Variants in SHROOM4 observed in about 807,000 individuals in gnomAD.
SHROOM4 encodes the protein shroom family member 4.
SHROOM4 carries 17 observed loss-of-function variants against 80.3 expected under a neutral mutation model. That is an observed-to-expected ratio of 0.21 (90% CI 0.14 to 0.32). The LOEUF (loss-of-function observed/expected upper bound fraction) is 0.32, where lower values mean the gene tolerates loss of function less well. Ranked by LOEUF, SHROOM4 falls within the 10% of genes least tolerant of loss-of-function variation. The pLI is 1.00. For synonymous variants in SHROOM4, 400 were observed against 437.5 expected, an observed-to-expected ratio of 0.91 and a Z score of 1.07; for missense variants, 993 against 1,140.3, an observed-to-expected ratio of 0.87 and a Z score of 1.86.
chrX:50,627,563 C>T, intron 5 of SHROOM4, 51 bp downstream of exon 5: 1 of 1,088,462 alleles, frequency 9.2e-7, no homozygotes, highest in African/African-American at 1.8e-5. Flanking sequence ...GCAATTTCTA[C>T]AGAAGCTCCA....
chrX:50,790,565 G>C (rs1557271439), intron 1 of SHROOM4, among the ~76,000 whole-genome samples: 1 of 111,217 alleles, frequency 9.0e-6, no homozygotes, highest in African/African-American at 3.3e-5. Flanking sequence ...CCAGAAAACT[G>C]AATTCAATGG....
chrX:50,621,349 G>A lies in SHROOM4; in HGVS notation c.2957+6265C>T, dbSNP rs1005791116. 4.5e-5 allele frequency among the ~76,000 whole-genome samples: 5 copies of A among 110,796 alleles called. No homozygotes were observed. In the South Asian group the frequency reaches 1.1e-3, roughly 25 times the overall value. On this transcript the variant is annotated intron_variant, in intron 5 of 8. Transcript: ENST00000376020. ...TTTGATAATTGTTGTTTTATGATAC[G>A]CTTTAAAATCTGATAGGGTAAGTCT...
At chrX:50,638,145 C>T (rs1557256474) in intron 3 of SHROOM4, 29 bp downstream of exon 3, 1 of 1,197,427 alleles carries the variant, frequency 8.4e-7, no homozygotes, top group Non-Finnish European at 1.1e-6. Flanking sequence ...ACCCTCCAGC[C>T]TGTCTTGAGG....
intron 1 of SHROOM4, among the ~76,000 whole-genome samples, chrX:50,723,584 C>T (rs781887153): frequency 9.0e-6 from 1 of 111,292 alleles, no homozygotes; most frequent in East Asian, 2.9e-4. Context: ...AGAGTCCACA[C>T]CTTGAGGGTA....
chrX:50,682,010 A>AT (rs1932949417), intron 2 of SHROOM4, among the ~76,000 whole-genome samples: 1 of 111,630 alleles, frequency 9.0e-6, no homozygotes, highest in African/African-American at 3.3e-5. Flanking sequence ...TTATTGAGTC[A>AT]TTTTTTTCTT....
intron 1 of SHROOM4, among the ~76,000 whole-genome samples, chrX:50,758,409 G>A (rs1290402892): frequency 2.7e-5 from 3 of 111,709 alleles, no homozygotes; most frequent in Admixed American, 9.5e-5. Context: ...CTTGTTGAGG[G>A]TTTTTGTCAT....
chrX:50,797,568 A>G (rs1373683743), intron 1 of SHROOM4, among the ~76,000 whole-genome samples: 1 of 112,003 alleles, frequency 8.9e-6, no homozygotes, highest in Non-Finnish European at 1.9e-5. Flanking sequence ...AGAGACAAGG[A>G]TGACTGGGAA....
intron 1 of SHROOM4, among the ~76,000 whole-genome samples, chrX:50,754,681 A>G (rs1428372486): frequency 9.0e-6 from 1 of 111,634 alleles, no homozygotes; most frequent in African/African-American, 3.3e-5. Context: ...TCCACATACC[A>G]TGCATCAGTC....
chrX:50,790,228 A>G (rs1557271408), intron 1 of SHROOM4, among the ~76,000 whole-genome samples: 1 of 111,445 alleles, frequency 9.0e-6, no homozygotes, highest in Non-Finnish European at 1.9e-5. Context: ...TTAGAAACAT[A>G]TGACTGACCA....
At chrX:50,699,160 ACGATGGTTAACTTATGTGTCAT>A (rs1933453293) in intron 1 of SHROOM4, among the ~76,000 whole-genome samples, 1 of 112,169 alleles carries the variant, frequency 8.9e-6, no homozygotes, top group Non-Finnish European at 1.9e-5. Flanking sequence ...CTCAATGTAA[ACGATGGTTAACTTATGTGTCAT>A]TTTGGATTAC....
At chrX:50,691,864 G>A (rs1342481087) in intron 2 of SHROOM4, among the ~76,000 whole-genome samples, 1 of 111,550 alleles carries the variant, frequency 9.0e-6, no homozygotes, top group Non-Finnish European at 1.9e-5. Flanking sequence ...TGGACTGAAC[G>A]AGAGGGAATT....
chrX:50,629,485 A>G (rs1399982489), intron 4 of SHROOM4, among the ~76,000 whole-genome samples: 2 of 111,720 alleles, frequency 1.8e-5, no homozygotes, highest in African/African-American at 6.5e-5. Flanking sequence ...TCACGATAAT[A>G]ATATTGCTTG....
At chrX:50,665,772 T>C (rs1209519839) in intron 2 of SHROOM4, among the ~76,000 whole-genome samples, 1 of 111,446 alleles carries the variant, frequency 9.0e-6, no homozygotes, top group Non-Finnish European at 1.9e-5. Flanking sequence ...CTGCTAGCAC[T>C]GTATTTCACC....
At chrX:50,698,685 G>A (rs1173062972) in intron 1 of SHROOM4, among the ~76,000 whole-genome samples, 1 of 111,103 alleles carries the variant, frequency 9.0e-6, no homozygotes, top group Non-Finnish European at 1.9e-5. Context: ...GGTCTAGCAC[G>A]TCTTCTATTT....
intron 1 of SHROOM4, among the ~76,000 whole-genome samples, chrX:50,730,786 A>G (rs113602703): frequency 0.056 from 6,140 of 109,926 alleles, 449 homozygotes; most frequent in African/African-American, 0.2. Flanking sequence ...GAAAAAGAAA[A>G]AAAAAAAAAA....
intron 1 of SHROOM4, among the ~76,000 whole-genome samples, chrX:50,755,715 G>A (rs1557268350): frequency 9.0e-6 from 1 of 111,570 alleles, no homozygotes; most frequent in African/African-American, 3.3e-5. Context: ...AGAGGTGAAC[G>A]CACAAGCCAG....
At chrX:50,674,231 T>C (rs959685993) in intron 2 of SHROOM4, among the ~76,000 whole-genome samples, 8 of 111,339 alleles carry the variant, frequency 7.2e-5, no homozygotes, top group African/African-American at 1.6e-4. Context: ...TTTCTTGATA[T>C]AGACACAATT....
intron 1 of SHROOM4, among the ~76,000 whole-genome samples, chrX:50,761,571 C>CT (rs373673685): frequency 2.7e-5 from 3 of 110,205 alleles, no homozygotes; most frequent in African/African-American, 3.3e-5. Flanking sequence ...TGTATATCTT[C>CT]TTTTTTTTTG....
In SHROOM4 at chrX:50,627,594, C is replaced by T. The variant is rs782387044; in HGVS notation, c.2957+20G>A. 6.7e-6 allele frequency: 8 copies of T among 1,200,367 alleles called. No homozygotes were observed. The highest frequency in any genetic ancestry group is 1.8e-5 in the African/African-American group (1 of 56,891). On this transcript the variant is annotated intron_variant, in intron 5 of 8. Coordinates refer to ENST00000376020, the MANE Select transcript of SHROOM4 (RefSeq NM_020717.5). ...CTCCAGAGGCACCAACCCACCCCAA[C>T]TCCCTGAGCGCTCACTTACCTCCCT...
Sources: allele counts gnomAD v4.1 joint callset (sites outside exome capture counted in the v4.1 genomes callset), GRCh38; gene constraint gnomAD v4.1.1; transcripts MANE v1.5; gene names NCBI Gene and HGNC (gene_info 2026-07-23, HGNC 2026-07-21).